Variants in LRBA observed in about 807,000 individuals in gnomAD.
LRBA encodes LPS responsive beige-like anchor protein.
A neutral mutation model predicts 330.0 loss-of-function variants in LRBA; 176 were observed. The observed-to-expected ratio is 0.53, with a 90% confidence interval of 0.47 to 0.60. The LOEUF is 0.60. Ranked by LOEUF, LRBA falls within the 20% of genes least tolerant of loss-of-function variation. LRBA has a pLI of 0.00. For synonymous variants in LRBA, 1,230 were observed against 1,193.0 expected (o/e 1.03, Z -0.64); for missense variants, 3,259 against 3,444.8 (o/e 0.95, Z 1.35).
intron 37 of LRBA, among the ~76,000 whole-genome samples, chr4:150,656,364 C>T (rs1258252216): frequency 2.0e-5 from 3 of 152,110 alleles, no homozygotes; most frequent in African/African-American, 7.2e-5. Context: ...TCAGGAGTTG[C>T]TTTTATATTG....
At chr4:150,617,949 A>G (rs1775930506) in intron 37 of LRBA, among the ~76,000 whole-genome samples, 1 of 152,026 alleles carries the variant, frequency 6.6e-6, no homozygotes, top group Admixed American at 6.6e-5. Flanking sequence ...TCTACAAAAA[A>G]TACAAAAAGC....
intron 44 of LRBA, among the ~76,000 whole-genome samples, chr4:150,449,047 T>C (rs1581348382): frequency 6.6e-6 from 1 of 152,034 alleles, no homozygotes; most frequent in East Asian, 1.9e-4. Context: ...CAGGATATGA[T>C]TTACAGTTAC....
chr4:150,812,357 A>T (rs1371422097), intron 31 of LRBA, among the ~76,000 whole-genome samples: 2 of 152,200 alleles, frequency 1.3e-5, no homozygotes, highest in Non-Finnish European at 2.9e-5. Context: ...AAGAACAAAA[A>T]GGAAAATGCA....
At chr4:150,953,624 G>T (rs927455103) in intron 2 of LRBA, among the ~76,000 whole-genome samples, 2 of 152,040 alleles carry the variant, frequency 1.3e-5, no homozygotes, top group African/African-American at 4.8e-5. Flanking sequence ...CGGGCCTCCC[G>T]AGGTGCCGGG....
chr4:150,961,753 A>G (rs1323709113), intron 2 of LRBA, among the ~76,000 whole-genome samples: 1 of 149,306 alleles, frequency 6.7e-6, no homozygotes. Flanking sequence ...AAAAAGCGGT[A>G]GCAGTAGATG....
chr4:150,656,851 G>C (rs1780237656), intron 37 of LRBA, among the ~76,000 whole-genome samples: 1 of 152,154 alleles, frequency 6.6e-6, no homozygotes, highest in Admixed American at 6.5e-5. Flanking sequence ...ATAAATAAAT[G>C]AGCATTATTC....
Position 150,382,387 on chromosome 4 carries a change from G to T in LRBA, c.7195-32228C>A, listed in dbSNP as rs192947001. 7.9e-5 allele frequency among the ~76,000 whole-genome samples: 12 copies of T among 152,254 alleles called. No individual in the cohort carries two copies. The East Asian group carries it at 2.3e-3, about 29-fold the overall frequency. ...GCCTGTAATCTTAGCACTTTGGGAG[G>T]TTAAGGTGGGTGGATCACTTGAGGC... On this transcript the variant is annotated intron_variant, in intron 47 of 56. Coordinates refer to ENST00000651943, the MANE Select transcript of LRBA (RefSeq NM_001364905.1).
chr4:150,861,180 G>A (rs1368868360), intron 22 of LRBA, among the ~76,000 whole-genome samples: 3 of 151,812 alleles, frequency 2.0e-5, no homozygotes, highest in Non-Finnish European at 2.9e-5. Flanking sequence ...TCACTGTTAC[G>A]TTACTTCAAA....
At chr4:150,514,662 T>A (rs944294320) in intron 40 of LRBA, among the ~76,000 whole-genome samples, 7 of 152,108 alleles carry the variant, frequency 4.6e-5, no homozygotes, top group African/African-American at 1.4e-4. Context: ...ACTTGTAACA[T>A]CAAAGAAAGG....
chr4:150,587,613 T>C (rs959646921), intron 40 of LRBA, among the ~76,000 whole-genome samples: 6 of 152,152 alleles, frequency 3.9e-5, no homozygotes, highest in Non-Finnish European at 8.8e-5. Flanking sequence ...CAAAACATGC[T>C]TGCATGCACG....
intron 2 of LRBA, chr4:151,013,268 G>C (rs1046776660): frequency 6.6e-6 from 1 of 152,186 alleles, no homozygotes; most frequent in Non-Finnish European, 1.5e-5. Context: ...AACACAGGTG[G>C]GTAGGTAGAA....
At chr4:150,828,775 T>C (rs973688642) in intron 29 of LRBA, among the ~76,000 whole-genome samples, 154 bp from the exon 30 acceptor site, 1 of 152,150 alleles carries the variant, frequency 6.6e-6, no homozygotes. Flanking sequence ...TTCTACAGAA[T>C]GTACTGAGTG....
intron 46 of LRBA, among the ~76,000 whole-genome samples, chr4:150,422,046 G>C (rs1290770167): frequency 6.6e-6 from 1 of 152,134 alleles, no homozygotes; most frequent in Non-Finnish European, 1.5e-5. Context: ...CTGATTGAGT[G>C]CAGGAGTTCA....
chr4:150,492,005 A>G (rs996187510), intron 40 of LRBA, among the ~76,000 whole-genome samples: 1 of 152,114 alleles, frequency 6.6e-6, no homozygotes, highest in African/African-American at 2.4e-5. Flanking sequence ...CAAATGAAAC[A>G]TTTGATTATG....
rs115804183 is a variant in LRBA at position 150,320,635 on chromosome 4, T to C, written c.7630+556A>G. Among the ~76,000 whole-genome samples the C allele has an allele frequency of 4.8e-3, 735 of 151,678 alleles. 6 individuals are homozygous for C. The highest frequency in any genetic ancestry group is 0.017 in the African/African-American group (704 of 41,382). ...CAGCCTGGGCAACATAGCGAGCCCA[T>C]CTCTACGAAAAGTTAAAAAAAATTA... On this transcript the variant is annotated intron_variant, in intron 50 of 56. Transcript: ENST00000651943.
chr4:150,367,685 T>C (rs1739652275), intron 47 of LRBA, among the ~76,000 whole-genome samples: 1 of 152,234 alleles, frequency 6.6e-6, no homozygotes, highest in South Asian at 2.1e-4. Flanking sequence ...AAAAACTGTA[T>C]AAATTTAAAA....
At chr4:150,960,961 C>T (rs891207125) in intron 2 of LRBA, among the ~76,000 whole-genome samples, 2 of 149,356 alleles carry the variant, frequency 1.3e-5, no homozygotes, top group East Asian at 3.9e-4. Flanking sequence ...ATATGTAAGT[C>T]ACCTCAAAAC....
intron 30 of LRBA, among the ~76,000 whole-genome samples, chr4:150,824,338 T>C (rs2126795546): frequency 6.6e-6 from 1 of 152,306 alleles, no homozygotes; most frequent in East Asian, 1.9e-4. Flanking sequence ...TTTTTCTAAA[T>C]ACTCTAAATA....
chr4:150,424,629 G>A (rs1317355511), intron 46 of LRBA, among the ~76,000 whole-genome samples: 24 of 150,204 alleles, frequency 1.6e-4, no homozygotes, highest in Admixed American at 1.1e-3. Flanking sequence ...GTGCACACAC[G>A]CACACACACA....
Sources: allele counts gnomAD v4.1 joint callset (sites outside exome capture counted in the v4.1 genomes callset), GRCh38; gene constraint gnomAD v4.1.1; transcripts MANE v1.5; gene names NCBI Gene and HGNC (gene_info 2026-07-23, HGNC 2026-07-21).